SV2B: variants seen among roughly 807,000 people sequenced by gnomAD.
SV2B encodes the protein solute carrier family 22 member B2.
SV2B carries 41 observed loss-of-function variants against 73.9 expected under a neutral mutation model. The observed-to-expected ratio is 0.56, with a 90% CI of 0.43 to 0.72. The LOEUF is 0.72. Ranked by LOEUF, SV2B falls within the 30% of genes least tolerant of loss-of-function variation. The pLI is 0.00. For missense variants in SV2B, 764 were observed against 857.8 expected, an observed-to-expected ratio of 0.89 and a Z score of 1.37; for synonymous variants, 314 against 314.2, an observed-to-expected ratio of 1.00 and a Z score of 0.01.
Position 91,241,142 on chromosome 15 carries a change from G to A in SV2B, c.452-10677G>A, listed in dbSNP as rs940312066. ...TTAATAAGTGATTTCCATTATCCTG[G>A]TCTGTCGTTTCCTTAAAGTCCTCTC... On this transcript the variant is annotated intron_variant, in intron 2 of 12. Coordinates refer to ENST00000394232, the MANE Select transcript of SV2B (RefSeq NM_001323032.3). This position sits in a 1 kb window ranked among gnomAD's most constrained non-coding sequence, Gnocchi z 4.8. Among the ~76,000 whole-genome samples the A allele has an allele frequency of 2.0e-5, 3 of 152,090 alleles. No homozygotes were observed. The highest frequency in any genetic ancestry group is 7.2e-5 in the African/African-American group (3 of 41,418).
intron 2 of SV2B, among the ~76,000 whole-genome samples, chr15:91,250,527 T>C (rs996345713): frequency 5.3e-5 from 8 of 152,078 alleles, no homozygotes; most frequent in African/African-American, 1.9e-4. Context: ...AATGAAGAAG[T>C]AAAATGGTTT....
chr15:91,234,916 A>C lies in SV2B; in HGVS notation c.451+8202A>C, dbSNP rs2046720640. On this transcript the variant is annotated intron_variant, in intron 2 of 12. Coordinates refer to ENST00000394232, the MANE Select transcript of SV2B (RefSeq NM_001323032.3). This position sits in a 1 kb window ranked among gnomAD's most constrained non-coding sequence, Gnocchi z 5.6. The stretch of plus-strand genomic sequence containing the variant: ...CTAATTCCAAGAGACTGAAAACGTC[A>C]CTGTGGCCCATCAGTCAGAGTAGGA... Among the ~76,000 whole-genome samples, 1 of 152,226 alleles carries C rather than the reference A, an allele frequency of 6.6e-6. No homozygotes were observed. Among genetic ancestry groups the C allele is most frequent in the Non-Finnish European group, 1.5e-5 (1 of 68,046 alleles).
At chr15:91,104,694 G>A (rs1048929817) in intron 1 of SV2B, among the ~76,000 whole-genome samples, 7 of 152,184 alleles carry the variant, frequency 4.6e-5, no homozygotes, top group Admixed American at 2.6e-4. Flanking sequence ...GTGCAGTGGT[G>A]CGATCTCAGC....
At position 91,296,683 on chromosome 15, in the gene SV2B, T is replaced by C. The variant is rs536978826; in HGVS notation, c.*4131T>C. The C allele has an allele frequency of 6.7e-6, 1 of 148,866 alleles. No homozygotes were observed. Among genetic ancestry groups the C allele is most frequent in the East Asian group, 2.1e-4 (1 of 4,822 alleles). The allele number at this position is 148,866 out of a possible 1,614,324, so 9.2% of individuals were successfully genotyped here. On this transcript the variant is annotated 3_prime_UTR_variant, in exon 13 of 13. Transcript: ENST00000394232. ...GGAGCACACCCCTTCTGCCTGATCA[T>C]TGGGAGCACACTCCTTCTGCCTGAT...
intron 1 of SV2B, among the ~76,000 whole-genome samples, chr15:91,211,733 A>T (rs1270550935): frequency 7.0e-6 from 1 of 143,770 alleles, no homozygotes; most frequent in African/African-American, 2.6e-5. Context: ...CAAACTCCTG[A>T]CCTCATAATC....
At chr15:91,193,647 G>T (rs544465986) in intron 1 of SV2B, among the ~76,000 whole-genome samples, 40 of 152,298 alleles carry the variant, frequency 2.6e-4, no homozygotes, top group Middle Eastern at 3.4e-3. Context: ...TCTGAAAGCA[G>T]CTTTCATCTT....
upstream of SV2B, among the ~76,000 whole-genome samples, chr15:91,099,629 G>A (rs540577227): frequency 6.6e-6 from 1 of 152,358 alleles, no homozygotes; most frequent in Non-Finnish European, 1.5e-5. Flanking sequence ...GGGAGACAGA[G>A]GTGGAGGGCT....
At chr15:91,154,797 G>A (rs2141228810) in intron 1 of SV2B, among the ~76,000 whole-genome samples, 1 of 152,280 alleles carries the variant, frequency 6.6e-6, no homozygotes, top group African/African-American at 2.4e-5. Context: ...TTTGGAGGGA[G>A]ATGGCCCTGC....
At chr15:91,170,652 A>G (rs997071627) in intron 1 of SV2B, among the ~76,000 whole-genome samples, 1 of 152,224 alleles carries the variant, frequency 6.6e-6, no homozygotes, top group Non-Finnish European at 1.5e-5. Flanking sequence ...TACATTAAAA[A>G]TATCTGACTG....
rs889134363 is a variant in SV2B, at chr15:91,236,701, C to T, written c.451+9987C>T. Reference sequence around the variant, plus strand: ...ATACTCCCCGTAGAACCAAAACCTCCATGCCATTTACTTTGCTTATAAATC... The same window carrying T: ...ATACTCCCCGTAGAACCAAAACCTCTATGCCATTTACTTTGCTTATAAATC... On this transcript the variant is annotated intron_variant, in intron 2 of 12. Coordinates refer to ENST00000394232, the MANE Select transcript of SV2B (RefSeq NM_001323032.3). This position sits in a 1 kb window ranked among gnomAD's most constrained non-coding sequence, Gnocchi z 4.1. Among the ~76,000 whole-genome samples the T allele has an allele frequency of 2.0e-5, 3 of 152,142 alleles. No homozygotes were observed. Among genetic ancestry groups the T allele is most frequent in the Admixed American group, 6.6e-5 (1 of 15,260 alleles).
rs888399144 is a variant in SV2B, at chr15:91,251,719, CTA to C, written c.452-99_452-98del. On this transcript the variant is annotated intron_variant, in intron 2 of 12. Coordinates refer to ENST00000394232, the MANE Select transcript of SV2B (RefSeq NM_001323032.3). ...ATTTTGTGTCTATGACACAGAAATTCTAGGATAAATAAAAATGAACATTGTAT... is the reference window on the plus strand; with the variant it reads ...ATTTTGTGTCTATGACACAGAAATTCGGATAAATAAAAATGAACATTGTAT... 1.9e-5 allele frequency: 25 copies of C among 1,336,038 alleles called. No homozygotes were observed. The African/African-American group carries it at 3.5e-4, about 19-fold the overall frequency. The allele number at this position is 1,336,038 out of a possible 1,614,324, so 82.8% of individuals were successfully genotyped here. A position where few individuals can be genotyped will look rare whatever the true frequency, so the allele number is the denominator to read the frequency against.
In SV2B at chr15:91,242,638, G is replaced by A. The variant is rs2047064871; in HGVS notation, c.452-9181G>A. ...AGTGTGAAGACTCTGAGGTGGGAGA[G>A]AGCATAGGACATCAGTATCCAGGGG... On this transcript the variant is annotated intron_variant, in intron 2 of 12. Coordinates refer to ENST00000394232, the MANE Select transcript of SV2B (RefSeq NM_001323032.3). This position sits in a 1 kb window ranked among gnomAD's most constrained non-coding sequence, Gnocchi z 4.9. 6.6e-6 allele frequency among the ~76,000 whole-genome samples: 1 copy of A among 152,164 alleles called. No individual in the cohort carries two copies. The highest frequency in any genetic ancestry group is 1.5e-5 in the Non-Finnish European group (1 of 68,024).
intron 1 of SV2B, among the ~76,000 whole-genome samples, chr15:91,169,386 A>G (rs532440753): frequency 1.3e-5 from 2 of 151,826 alleles, no homozygotes; most frequent in Admixed American, 1.3e-4. Context: ...CTCAGTAAAC[A>G]TCTGTCCAGT....
At chr15:91,143,815 C>T (rs2043067488) in intron 1 of SV2B, among the ~76,000 whole-genome samples, 1 of 152,192 alleles carries the variant, frequency 6.6e-6, no homozygotes, top group African/African-American at 2.4e-5. Flanking sequence ...GTCAGATTTG[C>T]TTCAGCCTCG....
chr15:91,189,109 A>G (rs937731083), intron 1 of SV2B, among the ~76,000 whole-genome samples: 9 of 152,198 alleles, frequency 5.9e-5, no homozygotes, highest in African/African-American at 2.2e-4. Flanking sequence ...TACAGGAATG[A>G]GCACGGCTGT....
At chr15:91,219,393 C>A (rs1362143004) in intron 1 of SV2B, among the ~76,000 whole-genome samples, 1 of 152,116 alleles carries the variant, frequency 6.6e-6, no homozygotes, top group Non-Finnish European at 1.5e-5. Flanking sequence ...AGCTCTTGGT[C>A]CCTCATGCAA....
chr15:91,290,947 A>C lies in SV2B; in HGVS notation c.1868+1267A>C, dbSNP rs1369391904. ...AGAGCTGCGAGAGCCCCGGGGTTTC[A>C]GGGTTACAGTGAGCTAGGATCACAA... On this transcript the variant is annotated intron_variant, in intron 12 of 12. Coordinates refer to ENST00000394232, the MANE Select transcript of SV2B (RefSeq NM_001323032.3). The surrounding 1 kb of genome is among the most constrained non-coding windows in gnomAD (Gnocchi z 4.7). Among the ~76,000 whole-genome samples, 1 of 151,938 alleles carries C rather than the reference A, an allele frequency of 6.6e-6. No individual in the cohort carries two copies. Among genetic ancestry groups the C allele is most frequent in the South Asian group, 2.1e-4 (1 of 4,816 alleles).
At chr15:91,178,964 G>A (rs370439926) in intron 1 of SV2B, among the ~76,000 whole-genome samples, 8 of 150,952 alleles carry the variant, frequency 5.3e-5, no homozygotes, top group South Asian at 4.3e-4. Flanking sequence ...TTGCTTTTCT[G>A]GTTCTTTTAA....
rs1176696750 is a variant in SV2B, at chr15:91,301,405, T to C, written c.*8853T>C. 6.6e-6 allele frequency: 1 copy of C among 152,230 alleles called. No individual in the cohort carries two copies. Among genetic ancestry groups the C allele is most frequent in the Non-Finnish European group, 1.5e-5 (1 of 68,042 alleles). The allele number at this position is 152,230 out of a possible 1,614,324, so 9.4% of individuals were successfully genotyped here. On this transcript the variant is annotated 3_prime_UTR_variant, in exon 13 of 13. Coordinates refer to ENST00000394232, the MANE Select transcript of SV2B (RefSeq NM_001323032.3). The surrounding 1 kb of genome is among the most constrained non-coding windows in gnomAD (Gnocchi z 4.3). ...TCACTGGATAGTGGAATTGCTCTGA[T>C]TACCGATGCCTTTTTTGTTCTTTGG... is the stretch of plus-strand genomic sequence containing the variant.
Sources: allele counts gnomAD v4.1 joint callset (sites outside exome capture counted in the v4.1 genomes callset), GRCh38; gene constraint gnomAD v4.1.1; non-coding constraint Gnocchi (gnomAD v3.1); transcripts MANE v1.5; gene names NCBI Gene and HGNC (gene_info 2026-07-23, HGNC 2026-07-21).